CYP4F8: variants seen among roughly 807,000 people sequenced by gnomAD.
The protein encoded by CYP4F8 is cytochrome P450 family 4 subfamily F member 8.
Under a neutral mutation model 55.0 loss-of-function variants are expected in CYP4F8, and 56 were observed. That is an observed-to-expected ratio of 1.02 (90% CI 0.82 to 1.27). The LOEUF is 1.27. CYP4F8 is among the 50% of genes most tolerant of loss of function. The pLI is 0.00. For synonymous variants in CYP4F8, 288 were observed against 267.3 expected (o/e 1.08, Z -0.76); for missense variants, 680 against 682.4 (o/e 1.00, Z 0.04).
At position 15,623,245 on chromosome 19, in the gene CYP4F8, T is replaced by C. The variant is rs766298722; in HGVS notation, c.788T>C (p.Val263Ala). ...GRRFHRACRL[V>A]HDFTDAVIQE... ...CGCTTCCACAGGGCCTGCAGACTGGTGCACGACTTCACAGATGCCGTCATC... is the reference window on the plus strand; with the variant it reads ...CGCTTCCACAGGGCCTGCAGACTGGCGCACGACTTCACAGATGCCGTCATC... Residue 263 changes from valine (V) to alanine (A), a missense_variant, in exon 7 of 13, where the codon GTG becomes GCG. Coordinates refer to ENST00000612078, the MANE Select transcript of CYP4F8 (RefSeq NM_007253.4). The C allele has an allele frequency of 2.5e-6, 4 of 1,614,048 alleles. No individual in the cohort carries two copies. In the East Asian group the frequency reaches 6.7e-5, roughly 27 times the overall value.
chr19:15,622,835 A>G, intron 6 of CYP4F8: 3 of 509,574 alleles, frequency 5.9e-6, no homozygotes, highest in South Asian at 2.2e-5. Context: ...TTTGGTGGAG[A>G]AAATGGGGCA....
chr19:15,623,229 A>C lies in CYP4F8; in HGVS notation c.772A>C (p.Arg258=). 1 of 1,614,068 alleles carries C rather than the reference A, an allele frequency of 6.2e-7. No individual in the cohort carries two copies. Among genetic ancestry groups the C allele is most frequent in the Non-Finnish European group, 8.5e-7 (1 of 1,180,016 alleles). ...CACTCCCTGTGGACGGCGCTTCCACAGGGCCTGCAGACTGGTGCACGACTT... is the reference window on the plus strand; with the variant it reads ...CACTCCCTGTGGACGGCGCTTCCACCGGGCCTGCAGACTGGTGCACGACTT... ...FLTPCGRRFH[R]ACRLVHDFTD... is the part of the protein sequence containing the mutation. Residue 258 remains arginine (R), a synonymous_variant, in exon 7 of 13, where the codon AGG becomes CGG. Transcript: ENST00000612078.
At chr19:15,619,328 T>A in intron 3 of CYP4F8, 162 bp from the exon 4 acceptor site, 1 of 724,468 alleles carries the variant, frequency 1.4e-6, no homozygotes, top group Admixed American at 2.8e-5. Flanking sequence ...CCGGTCCCCT[T>A]TATGCCCCCC....
chr19:15,622,731 A>G, intron 6 of CYP4F8: 1 of 384,998 alleles, frequency 2.6e-6, no homozygotes, highest in South Asian at 2.6e-5. Context: ...CATGGTCAGT[A>G]CTGAGCTTGG....
chr19:15,620,755 G>A (rs971452347), intron 5 of CYP4F8, among the ~76,000 whole-genome samples: 1 of 152,074 alleles, frequency 6.6e-6, no homozygotes, highest in Non-Finnish European at 1.5e-5. Flanking sequence ...AAAGTAAAAC[G>A]TCCACCATGA....
intron 5 of CYP4F8, among the ~76,000 whole-genome samples, chr19:15,620,271 C>T (rs1316034815): frequency 6.6e-6 from 1 of 152,172 alleles, no homozygotes; most frequent in Non-Finnish European, 1.5e-5. Context: ...AGGATGGCCT[C>T]AGCTGGGACA....
chr19:15,618,666 G>T, intron 3 of CYP4F8: 1 of 266,178 alleles, frequency 3.8e-6, no homozygotes. Context: ...CTTGGCATTG[G>T]CCTTGTCCTT....
At chr19:15,622,609 G>A (rs761352392) in intron 6 of CYP4F8, among the ~76,000 whole-genome samples, 1 of 147,646 alleles carries the variant, frequency 6.8e-6, no homozygotes, top group Non-Finnish European at 1.5e-5. Flanking sequence ...AAATGAAGGT[G>A]GAGGGGTTGG....
chr19:15,623,634 A>G, intron 7 of CYP4F8, 65 bp from the exon 8 acceptor site: 1 of 1,578,450 alleles, frequency 6.3e-7, no homozygotes, highest in South Asian at 1.1e-5. Flanking sequence ...ATGGGTCTTC[A>G]GAGACTGTTT....
intron 1 of CYP4F8, 68 bp from the exon 2 acceptor site, chr19:15,615,548 G>A: frequency 6.5e-7 from 1 of 1,527,178 alleles, no homozygotes; most frequent in Non-Finnish European, 8.8e-7. Context: ...ACCCATCATT[G>A]GTCCTGGAGC....
chr19:15,625,346 A>T (rs1473505025), intron 9 of CYP4F8, among the ~76,000 whole-genome samples: 3 of 130,888 alleles, frequency 2.3e-5, no homozygotes, highest in Non-Finnish European at 5.0e-5. Flanking sequence ...ATATATATAT[A>T]GTGTATATAT....
At chr19:15,622,081 T>C (rs1024369955) in intron 5 of CYP4F8, 138 bp from the exon 6 acceptor site, 5 of 1,170,586 alleles carry the variant, frequency 4.3e-6, no homozygotes, top group Middle Eastern at 2.3e-4. Flanking sequence ...CACCCAAGCG[T>C]AGTCCTCCCT....
intron 2 of CYP4F8, among the ~76,000 whole-genome samples, 165 bp downstream of exon 2, chr19:15,615,979 C>T (rs916216401): frequency 5.3e-5 from 8 of 151,128 alleles, no homozygotes; most frequent in Non-Finnish European, 5.9e-5. Flanking sequence ...TCACTCATTC[C>T]TCTCCTCACT....
At chr19:15,625,330 GTATATA>G (rs34110364) in intron 9 of CYP4F8, among the ~76,000 whole-genome samples, 1 of 146,156 alleles carries the variant, frequency 6.8e-6, no homozygotes, top group Non-Finnish European at 1.5e-5. Flanking sequence ...CTATGTGTGT[GTATATA>G]TATATATATA....
At chr19:15,617,856 C>T (rs1599856861) in intron 2 of CYP4F8, 144 bp from the exon 3 acceptor site, 3 of 1,012,098 alleles carry the variant, frequency 3.0e-6, no homozygotes, top group Non-Finnish European at 4.2e-6. Context: ...GGGAGATCCT[C>T]CTTCCTCAGT....
At chr19:15,619,056 G>A (rs1000843460) in intron 3 of CYP4F8, 17 of 176,564 alleles carry the variant, frequency 9.6e-5, no homozygotes, top group African/African-American at 3.8e-4. Flanking sequence ...TCAACCCCAC[G>A]CAGTCTAAGC....
At position 15,629,547 on chromosome 19, in the gene CYP4F8, A is replaced by G. The variant is rs1033971605; in HGVS notation, c.*189A>G. 16 of 757,382 alleles carry G rather than the reference A, an allele frequency of 2.1e-5. No homozygotes were observed. Among genetic ancestry groups the G allele is most frequent in the Non-Finnish European group, 3.0e-5 (15 of 503,518 alleles). 46.9% of individuals were successfully genotyped at this position (757,382 alleles called of 1,614,324 possible). A position where few individuals can be genotyped will look rare whatever the true frequency, so the allele number is the denominator to read the frequency against. ...GAGGCGGGGAGATGTCTCTGTGCCC[A>G]AGATACTCACTGCCTCTCTGGGTGA... On this transcript the variant is annotated 3_prime_UTR_variant, in exon 13 of 13. Transcript: ENST00000612078.
In CYP4F8 at chr19:15,628,384, C is replaced by G. The variant is rs753633607; in HGVS notation, c.1198C>G (p.Arg400Gly). ...GCATCCCCCAATCCCTACATTCGCC[C>G]GCGGCTGCACCCAGGACGTGGTGCT... The part of the protein sequence containing the change: ...RLHPPIPTFA[R>G]GCTQDVVLPD... Residue 400 changes from arginine (R) to glycine (G), a missense_variant, in exon 10 of 13, where the codon CGC becomes GGC. Arg to Gly is a moderately radical substitution (Grantham distance 125). Transcript: ENST00000612078. 6.2e-7 allele frequency: 1 copy of G among 1,614,100 alleles called. No homozygotes were observed. Among genetic ancestry groups the G allele is most frequent in the African/African-American group, 1.3e-5 (1 of 75,010 alleles).
chr19:15,626,191 C>T (rs973196297), intron 9 of CYP4F8, among the ~76,000 whole-genome samples: 6 of 152,194 alleles, frequency 3.9e-5, no homozygotes, highest in Non-Finnish European at 8.8e-5. Context: ...TTGTGCATAT[C>T]TCTTTATCTG....
Sources: gnomAD v4.1 joint callset for allele counts (sites outside exome capture counted in the v4.1 genomes callset) on GRCh38, gnomAD v4.1.1 for gene constraint, MANE v1.5 for transcripts, NCBI Gene and HGNC (gene_info 2026-07-23, HGNC 2026-07-21) for gene names.